Variants in RGMA observed in about 807,000 individuals in gnomAD.
RGMA encodes the protein repulsive guidance molecule A.
Under a neutral mutation model 23.2 loss-of-function variants are expected in RGMA, and 10 were observed. The observed-to-expected ratio is 0.43, with a 90% CI of 0.27 to 0.73. The LOEUF (loss-of-function observed/expected upper bound fraction) is 0.73, where lower values mean the gene tolerates loss of function less well. Among genes scored for constraint, RGMA ranks in the 30% least tolerant of loss-of-function variants. The pLI is 0.20. For synonymous variants in RGMA, 308 were observed against 279.3 expected (o/e 1.10, Z -1.03); for missense variants, 547 against 630.5 (o/e 0.87, Z 1.42).
chr15:93,078,596 T>C (rs1895510320), intron 1 of RGMA, among the ~76,000 whole-genome samples: 1 of 152,246 alleles, frequency 6.6e-6, no homozygotes, highest in East Asian at 1.9e-4. Flanking sequence ...TTATAGACTT[T>C]GATCATATCG....
rs747345195 is a variant in RGMA at position 93,052,276 on chromosome 15, G to C, written c.362C>G (p.Thr121Ser). The C allele has an allele frequency of 1.4e-5, 22 of 1,602,912 alleles. No homozygotes were observed. The Admixed American group carries it at 2.8e-4, about 21-fold the overall frequency. Reference sequence around the variant, plus strand: ...GAGCGTGCGCAGGCGTGGCTGCGAGGTGGGGCCATCCTTGGAGCAGTTGTG... The same window carrying C: ...GAGCGTGCGCAGGCGTGGCTGCGAGCTGGGGCCATCCTTGGAGCAGTTGTG... ...SQHNCSKDGP[T>S]SQPRLRTLPP... The change falls in exon 3 of 4, where the codon ACC becomes AGC. Residue 121 changes from threonine to serine, a missense_variant. Coordinates refer to ENST00000329082, the MANE Select transcript of RGMA (RefSeq NM_020211.3).
At chr15:93,087,162 T>C (rs975845050) in intron 1 of RGMA, among the ~76,000 whole-genome samples, 1 of 151,482 alleles carries the variant, frequency 6.6e-6, no homozygotes, top group African/African-American at 2.4e-5. Flanking sequence ...GCCCAGAGAG[T>C]CTCAAGGGGG....
intron 2 of RGMA, among the ~76,000 whole-genome samples, chr15:93,056,377 G>T (rs1317686075): frequency 6.7e-6 from 1 of 148,310 alleles, no homozygotes; most frequent in African/African-American, 2.5e-5. Context: ...CCTTAGCCCT[G>T]ATGCAGAGCG....
chr15:93,061,858 C>T (rs1894975515), intron 2 of RGMA, among the ~76,000 whole-genome samples: 1 of 152,138 alleles, frequency 6.6e-6, no homozygotes. Context: ...GTTTGCATAA[C>T]AACGAAGCCC....
intron 2 of RGMA, among the ~76,000 whole-genome samples, chr15:93,064,479 A>T (rs910350979): frequency 6.6e-6 from 1 of 152,134 alleles, no homozygotes; most frequent in Non-Finnish European, 1.5e-5. Flanking sequence ...TTCTCCCTCA[A>T]TGCTGCCGGC....
chr15:93,059,068 C>T (rs576702528), intron 2 of RGMA, among the ~76,000 whole-genome samples: 18 of 152,268 alleles, frequency 1.2e-4, no homozygotes, highest in East Asian at 9.6e-4. Flanking sequence ...GATGCAAACA[C>T]GGAGGCTTCG....
intron 1 of RGMA, among the ~76,000 whole-genome samples, chr15:93,085,321 C>G (rs1365735721): frequency 6.6e-6 from 1 of 152,164 alleles, no homozygotes; most frequent in African/African-American, 2.4e-5. Context: ...TTTACTCATA[C>G]CCGCTGATCT....
chr15:93,051,354 C>T (rs2054915822), intron 3 of RGMA, among the ~76,000 whole-genome samples: 1 of 152,252 alleles, frequency 6.6e-6, no homozygotes, highest in Non-Finnish European at 1.5e-5. Flanking sequence ...CCCCAGGGGG[C>T]ACCGGTGGGC....
rs139331174 is a variant in RGMA, at chr15:93,080,065, A to G, written c.15-7034T>C. On this transcript the variant is annotated intron_variant, in intron 1 of 3. Transcript: ENST00000329082. ...TGGTAATTAAGACATAATTACCAAGAAGAAAAAACTACCAAAAATTTAAAA... is the reference window on the plus strand; with the variant it reads ...TGGTAATTAAGACATAATTACCAAGGAGAAAAAACTACCAAAAATTTAAAA... Among the ~76,000 whole-genome samples the G allele has an allele frequency of 3.4e-3, 516 of 152,338 alleles. 1 individual carries two copies. The highest frequency in any genetic ancestry group is 0.012 in the African/African-American group (490 of 41,570).
intron 2 of RGMA, among the ~76,000 whole-genome samples, chr15:93,057,288 A>T (rs913467016): frequency 1.3e-5 from 2 of 152,172 alleles, no homozygotes; most frequent in African/African-American, 4.8e-5. Context: ...TGAAGTTCTA[A>T]TCCCTTATGG....
intron 1 of RGMA, among the ~76,000 whole-genome samples, chr15:93,079,259 C>T (rs779828487): frequency 4.6e-5 from 7 of 152,210 alleles, no homozygotes; most frequent in Non-Finnish European, 1.0e-4. Flanking sequence ...AATTTCCCCG[C>T]ACATGCTGGA....
chr15:93,047,390 G>A (rs900106405), intron 3 of RGMA, among the ~76,000 whole-genome samples: 11 of 152,224 alleles, frequency 7.2e-5, no homozygotes, highest in African/African-American at 2.7e-4. Flanking sequence ...AAGGGCAGCT[G>A]GAACCTGGAC....
At chr15:93,080,105 A>T (rs1328790862) in intron 1 of RGMA, among the ~76,000 whole-genome samples, 1 of 152,248 alleles carries the variant, frequency 6.6e-6, no homozygotes, top group African/African-American at 2.4e-5. Flanking sequence ...TACCAAAATT[A>T]AAAGTTTTCA....
At position 93,082,593 on chromosome 15, in the gene RGMA, A is replaced by G. The variant is rs558071139; in HGVS notation, c.14+6326T>C. Reference sequence around the variant, plus strand: ...TATTTATTTCTGTCAGTCCAATAATATGCCCCACATGTAGAATGACGGCTC... The same window carrying G: ...TATTTATTTCTGTCAGTCCAATAATGTGCCCCACATGTAGAATGACGGCTC... On this transcript the variant is annotated intron_variant, in intron 1 of 3. Coordinates refer to ENST00000329082, the MANE Select transcript of RGMA (RefSeq NM_020211.3). Among the ~76,000 whole-genome samples, 6 of 152,230 alleles carry G rather than the reference A, an allele frequency of 3.9e-5. No homozygotes were observed. In the East Asian group the frequency reaches 1.2e-3, roughly 29 times the overall value.
At chr15:93,059,149 A>G (rs1425616559) in intron 2 of RGMA, among the ~76,000 whole-genome samples, 1 of 152,122 alleles carries the variant, frequency 6.6e-6, no homozygotes, top group Non-Finnish European at 1.5e-5. Flanking sequence ...AGCTGTTTCT[A>G]TGCTTTTCAA....
At chr15:93,078,106 C>T (rs1895502450) in intron 1 of RGMA, among the ~76,000 whole-genome samples, 3 of 152,230 alleles carry the variant, frequency 2.0e-5, no homozygotes, top group African/African-American at 7.2e-5. Context: ...CACTCTTCAG[C>T]ATATGACTCT....
At chr15:93,052,924 C>T (rs1171326725) in intron 2 of RGMA, among the ~76,000 whole-genome samples, 1 of 152,232 alleles carries the variant, frequency 6.6e-6, no homozygotes, top group Non-Finnish European at 1.5e-5. Context: ...TTAAATGTGT[C>T]CCCAGTCCTG....
At chr15:93,046,048 G>A (rs769483988) in intron 3 of RGMA, among the ~76,000 whole-genome samples, 45 of 152,200 alleles carry the variant, frequency 3.0e-4, no homozygotes, top group Non-Finnish European at 3.2e-4. Flanking sequence ...CAGTGTGGTA[G>A]GCTGAATAAT....
rs1410262606 is a variant in RGMA at position 93,041,017 on chromosome 15, G to T, written c.*3981C>A. ...CGGGTTGAGCCAGTTTTGACGCCAA[G>T]TTTGCCTGCAGCCCGAGCCCAAGTG... On this transcript the variant is annotated 3_prime_UTR_variant, in exon 4 of 4. Transcript: ENST00000329082. The T allele has an allele frequency of 2.0e-5, 3 of 152,202 alleles. No homozygotes were observed. In the East Asian group the frequency reaches 5.8e-4, roughly 29 times the overall value. 9.4% of individuals were successfully genotyped at this position (152,202 alleles called of 1,614,324 possible). A position where few individuals can be genotyped will look rare whatever the true frequency, so the allele number is the denominator to read the frequency against.
Sources: gnomAD v4.1 joint callset for allele counts (sites outside exome capture counted in the v4.1 genomes callset) on GRCh38, gnomAD v4.1.1 for gene constraint, MANE v1.5 for transcripts, NCBI Gene and HGNC (gene_info 2026-07-23, HGNC 2026-07-21) for gene names.